Variants in GALC observed in about 807,000 individuals in gnomAD.
GALC encodes the protein galactocerebrosidase.
In GALC, 77 loss-of-function variants were observed where a neutral mutation model predicts 91.8. That is an observed-to-expected ratio of 0.84 (90% CI 0.70 to 1.01). The LOEUF (loss-of-function observed/expected upper bound fraction) is 1.01, where lower values mean the gene tolerates loss of function less well. Among genes scored for constraint, GALC ranks in the 50% least tolerant of loss-of-function variants. The probability of loss-of-function intolerance (pLI) is 0.00; values close to 1 mark genes in which losing one functional copy is unlikely to be tolerated. For synonymous variants in GALC, 357 were observed against 306.7 expected (o/e 1.16, Z -1.71); for missense variants, 882 against 855.9 (o/e 1.03, Z -0.38).
In GALC at chr14:87,947,881, GA is replaced by G. The variant is rs779423756; in HGVS notation, c.1339-4del. 1 of 1,611,068 alleles carries G rather than the reference GA, an allele frequency of 6.2e-7. No homozygotes were observed. Among genetic ancestry groups the G allele is most frequent in the Non-Finnish European group, 8.5e-7 (1 of 1,178,054 alleles). ...AAACTGCCATCGCTGTCAAGGAGCT[GA>G]AAAAGAAGACACTACTGTATTCAGG... On this transcript the variant is annotated splice_region_variant and splice_polypyrimidine_tract_variant and intron_variant, in intron 12 of 16. Transcript: ENST00000261304.
intron 13 of GALC, among the ~76,000 whole-genome samples, chr14:87,946,509 T>C (rs978247388): frequency 1.7e-4 from 2 of 11,862 alleles, no homozygotes; most frequent in Non-Finnish European, 0.01. Context: ...TTATAATATT[T>C]AACTTAGTTT....
intron 6 of GALC, 64 bp from the exon 7 acceptor site, chr14:87,976,552 G>C (rs1723619577): frequency 3.2e-6 from 4 of 1,251,906 alleles, no homozygotes; most frequent in Non-Finnish European, 4.7e-6. Flanking sequence ...TTGAATTTAT[G>C]ACCAAGATAG....
rs781113050 is a variant in GALC at position 87,934,874 on chromosome 14, T to C, written c.1916A>G (p.His639Arg). The C allele has an allele frequency of 3.1e-6, 5 of 1,605,348 alleles. No individual in the cohort carries two copies. Among genetic ancestry groups the C allele is most frequent in the Non-Finnish European group, 3.4e-6 (4 of 1,172,428 alleles). ...GTCATTCAGCATGCCAGAGGTGAAA[T>C]GACCCTAGAGTAGAAAGAAACACAT... is the stretch of plus-strand genomic sequence containing the variant. ...WYTLTLTIKG[H>R]FTSGMLNDKS... Residue 639 changes from histidine to arginine, a missense_variant, in exon 17 of 17, where the codon CAT (histidine) becomes CGT (arginine). Physicochemically the swap from His to Arg is conservative, Grantham distance 29. Coordinates refer to ENST00000261304, the MANE Select transcript of GALC (RefSeq NM_000153.4).
At position 87,975,263 on chromosome 14, in the gene GALC, G is replaced by C. The variant is rs147369538; in HGVS notation, c.752+1095C>G. ...CAAAGTTTGTAAGACAAACAACCCC[G>C]TTCTTCAACAAATTAAAAGAAAGAA... On this transcript the variant is annotated intron_variant, in intron 7 of 16. Coordinates refer to ENST00000261304, the MANE Select transcript of GALC (RefSeq NM_000153.4). Among the ~76,000 whole-genome samples the C allele has an allele frequency of 2.6e-5, 4 of 151,912 alleles. No individual in the cohort carries two copies. The South Asian group carries it at 6.2e-4, about 24-fold the overall frequency.
intron 13 of GALC, among the ~76,000 whole-genome samples, chr14:87,946,058 G>A (rs557172053): frequency 4.6e-5 from 7 of 152,062 alleles, no homozygotes; most frequent in South Asian, 2.1e-4. Flanking sequence ...CTATTTAACT[G>A]CCCTGCATCT....
At chr14:87,968,578 G>A (rs369531254) in intron 7 of GALC, 88 bp from the exon 8 acceptor site, 165 of 1,272,138 alleles carry the variant, frequency 1.3e-4, no homozygotes, top group Non-Finnish European at 1.7e-4. Flanking sequence ...ATAAAAATAC[G>A]AGTCTTCTCC....
rs1886983505 is a variant in GALC, at chr14:87,986,587, G to C, written c.344C>G (p.Ser115Cys). The stretch of plus-strand genomic sequence containing the variant: ...CTCATCTAGTGCATAATGCATGTGG[G>C]AGGGCTCAGTGCCGTCTGAATAGAG... ...DGQTTDGTEP[S>C]HMHYALDENY... The change falls in exon 4 of 17, where the codon TCC becomes TGC. Residue 115 changes from serine to cysteine, a missense_variant. Coordinates refer to ENST00000261304, the MANE Select transcript of GALC (RefSeq NM_000153.4). 2 of 1,612,444 alleles carry C rather than the reference G, an allele frequency of 1.2e-6. No homozygotes were observed. The highest frequency in any genetic ancestry group is 1.7e-6 in the Non-Finnish European group (2 of 1,178,632).
rs1391716085 is a variant in GALC at position 87,945,695 on chromosome 14, G to T, written c.1528C>A (p.Gln510Lys). ...GTAAAATATTCAAATACACCAGTTT[G>T]ATCAGCAAAGTTTGGAGCTTCACTA... is the stretch of plus-strand genomic sequence containing the variant. ...FFSEAPNFAD[Q>K]TGVFEYFTNI... The change falls in exon 14 of 17, where the codon CAA becomes AAA. Residue 510 changes from glutamine (Q) to lysine (K), a missense_variant. Physicochemically the swap from Gln to Lys is moderately conservative, Grantham distance 53. Transcript: ENST00000261304. The T allele has an allele frequency of 6.2e-7, 1 of 1,612,164 alleles. No individual in the cohort carries two copies. Among genetic ancestry groups the T allele is most frequent in the African/African-American group, 1.3e-5 (1 of 74,918 alleles).
chr14:87,970,331 T>G (rs983794068), intron 7 of GALC, among the ~76,000 whole-genome samples: 41 of 152,188 alleles, frequency 2.7e-4, no homozygotes, highest in South Asian at 2.1e-4. Flanking sequence ...GTTAGGATTA[T>G]GAGGAAATTC....
intron 10 of GALC, chr14:87,953,662 G>A (rs1164109858): frequency 6.2e-7 from 1 of 1,609,312 alleles, no homozygotes; most frequent in Non-Finnish European, 8.5e-7. Context: ...CCAGTCTGAA[G>A]CTCTATCTAG....
chr14:87,982,038 T>C (rs988885609), intron 6 of GALC, among the ~76,000 whole-genome samples, 167 bp downstream of exon 6: 5 of 152,172 alleles, frequency 3.3e-5, no homozygotes, highest in Non-Finnish European at 5.9e-5. Flanking sequence ...ATATAAACAT[T>C]GTTAAGATTT....
chr14:87,976,787 G>C, intron 6 of GALC: 1 of 352,654 alleles, frequency 2.8e-6, no homozygotes, highest in South Asian at 2.3e-5. Context: ...GCTAATTTTT[G>C]TATTTTTTAG....
At chr14:87,953,317 C>T (rs1463449233) in intron 10 of GALC, 1 of 1,457,526 alleles carries the variant, frequency 6.9e-7, no homozygotes. Flanking sequence ...GGAGACTGAA[C>T]CAAAGGCAAG....
At chr14:87,947,690 TATA>T in intron 13 of GALC, 35 bp downstream of exon 13, 1 of 1,590,112 alleles carries the variant, frequency 6.3e-7, no homozygotes, top group Non-Finnish European at 8.6e-7. Flanking sequence ...TACTGTTAAA[TATA>T]GAGACCAAGT....
chr14:87,957,919 A>G (rs553121898), intron 10 of GALC, among the ~76,000 whole-genome samples: 9 of 152,212 alleles, frequency 5.9e-5, no homozygotes, highest in Non-Finnish European at 1.2e-4. Flanking sequence ...TATTGTGAAA[A>G]TGAGACCACA....
At chr14:87,982,989 C>A (rs895347433) in intron 5 of GALC, among the ~76,000 whole-genome samples, 1 of 152,162 alleles carries the variant, frequency 6.6e-6, no homozygotes, top group African/African-American at 2.4e-5. Context: ...TAAGAGAAAG[C>A]TATTAGACCA....
chr14:87,992,747 T>C, intron 1 of GALC: 1 of 1,421,342 alleles, frequency 7.0e-7, no homozygotes, highest in Non-Finnish European at 9.2e-7. Flanking sequence ...GGATCCTCAT[T>C]TGTTCAAACC....
chr14:87,965,586 G>A lies in GALC; in HGVS notation c.952C>T (p.Pro318Ser). 2 of 1,613,386 alleles carry A rather than the reference G, an allele frequency of 1.2e-6. No homozygotes were observed. The highest frequency in any genetic ancestry group is 2.2e-5 in the East Asian group (1 of 44,862). ...NLVASYYEQL[P>S]YGRCGLMTAQ... ...GTCATCAACCCGCATCTCCCATAAGGCAACTGTTCATAGTAACTAGCCACT... is the reference window on the plus strand; with the variant it reads ...GTCATCAACCCGCATCTCCCATAAGACAACTGTTCATAGTAACTAGCCACT... The change falls in exon 9 of 17, where the codon CCT becomes TCT. Residue 318 changes from proline (P) to serine (S), a missense_variant. Transcript: ENST00000261304.
intron 10 of GALC, among the ~76,000 whole-genome samples, chr14:87,956,473 C>T (rs1319001190): frequency 2.6e-5 from 4 of 151,428 alleles, no homozygotes; most frequent in Non-Finnish European, 5.9e-5. Flanking sequence ...AAGAAATAGG[C>T]ATTATTTCAT....
Sources: allele counts gnomAD v4.1 joint callset (sites outside exome capture counted in the v4.1 genomes callset), GRCh38; gene constraint gnomAD v4.1.1; transcripts MANE v1.5; gene names NCBI Gene and HGNC (gene_info 2026-07-23, HGNC 2026-07-21).